SPAG9: variants seen among roughly 807,000 people sequenced by gnomAD.
SPAG9 encodes C-Jun-amino-terminal kinase-interacting protein 4.
In SPAG9, 35 loss-of-function variants were observed where a neutral mutation model predicts 166.5. The ratio of observed to expected loss-of-function variants is 0.21; its 90% confidence interval spans 0.16 to 0.28. The LOEUF (loss-of-function observed/expected upper bound fraction) is 0.28, where lower values mean the gene tolerates loss of function less well. Among genes scored for constraint, SPAG9 ranks in the 10% least tolerant of loss-of-function variants. The pLI is 1.00. For missense variants in SPAG9, 1,235 were observed against 1,603.3 expected (o/e 0.77, Z 3.92); for synonymous variants, 534 against 565.5 (o/e 0.94, Z 0.79).
chr17:51,115,352 C>A (rs1323104999), intron 1 of SPAG9, among the ~76,000 whole-genome samples: 2 of 151,546 alleles, frequency 1.3e-5, no homozygotes, highest in Non-Finnish European at 2.9e-5. Flanking sequence ...TCACACCCAA[C>A]TAATTTTTTT....
chr17:51,054,287 T>G (rs1397454331), intron 3 of SPAG9, among the ~76,000 whole-genome samples: 1 of 151,624 alleles, frequency 6.6e-6, no homozygotes, highest in African/African-American at 2.4e-5. Context: ...TGGCTATTTT[T>G]GTATATATTT....
chr17:50,975,807 C>T (rs1974166629), intron 27 of SPAG9: 2 of 1,350,656 alleles, frequency 1.5e-6, no homozygotes, highest in African/African-American at 2.9e-5. Flanking sequence ...TGGTAACAGC[C>T]TTACAGTGGC....
chr17:50,971,071 G>T (rs1412407895), intron 28 of SPAG9, among the ~76,000 whole-genome samples: 1 of 152,172 alleles, frequency 6.6e-6, no homozygotes, highest in Non-Finnish European at 1.5e-5. Context: ...TCACACCTTC[G>T]AGAGGCCGAA....
intron 6 of SPAG9, among the ~76,000 whole-genome samples, chr17:51,028,226 A>G (rs916952936): frequency 6.6e-6 from 1 of 152,196 alleles, no homozygotes. Context: ...AAAGTAAATA[A>G]GTTACAGTAA....
chr17:50,981,427 T>A (rs919353821), intron 25 of SPAG9, among the ~76,000 whole-genome samples: 9 of 151,566 alleles, frequency 5.9e-5, no homozygotes, highest in Non-Finnish European at 1.3e-4. Context: ...GATGGATGGA[T>A]GGATAGACAG....
At chr17:51,016,566 A>G (rs1042468746) in intron 8 of SPAG9, among the ~76,000 whole-genome samples, 5 of 152,272 alleles carry the variant, frequency 3.3e-5, no homozygotes, top group African/African-American at 7.2e-5. Flanking sequence ...AGGAAAAGAA[A>G]CAAAATAACC....
At chr17:51,016,208 C>G (rs1293398317) in intron 8 of SPAG9, 1 of 141,328 alleles carries the variant, frequency 7.1e-6, no homozygotes, top group Non-Finnish European at 1.5e-5. Flanking sequence ...TCATAGTGCT[C>G]AAAAAAAAAA....
In SPAG9 at chr17:50,966,366, T is replaced by G. The variant is rs758211942; in HGVS notation, c.3872A>C (p.Glu1291Ala). The change falls in exon 30 of 30, where the codon GAA (glutamate) becomes GCA (alanine). Residue 1291 changes from glutamate to alanine, a missense_variant. Coordinates refer to ENST00000262013, the MANE Select transcript of SPAG9 (RefSeq NM_001130528.3). Reference protein sequence around the residue: ...FRMGDEGGESELLGEDLPLEP... With the variant: ...FRMGDEGGESALLGEDLPLEP... Reference sequence around the variant, plus strand: ...AAGTGGAAGATCCTCTCCAAGAAGTTCTGATTCTCCACCTTCATCACCTAG... The same window carrying G: ...AAGTGGAAGATCCTCTCCAAGAAGTGCTGATTCTCCACCTTCATCACCTAG... The G allele has an allele frequency of 6.2e-7, 1 of 1,612,274 alleles. No individual in the cohort carries two copies. The highest frequency in any genetic ancestry group is 1.3e-5 in the African/African-American group (1 of 74,896).
intron 4 of SPAG9, chr17:51,046,887 C>A: frequency 6.6e-7 from 1 of 1,520,714 alleles, no homozygotes; most frequent in Non-Finnish European, 8.8e-7. Context: ...GCAGCAACCC[C>A]AAGCGACAGC....
rs746792520 is a variant in SPAG9 at position 51,120,536 on chromosome 17, G to A, written c.121C>T (p.Arg41Cys). ...IYREFERLIG[R>C]YDEEVVKELM... ...TCTTTGACCACCTCCTCGTCATAGC[G>A]CCCGATAAGCCGCTCGAACTCGCGG... Residue 41 changes from arginine (R) to cysteine (C), a missense_variant, in exon 1 of 30, where the codon CGC (arginine) becomes TGC (cysteine). Transcript: ENST00000262013. The surrounding 1 kb of genome is among the most constrained non-coding windows in gnomAD (Gnocchi z 4.7). 1 of 1,613,912 alleles carries A rather than the reference G, an allele frequency of 6.2e-7. No individual in the cohort carries two copies. Among genetic ancestry groups the A allele is most frequent in the Non-Finnish European group, 8.5e-7 (1 of 1,179,890 alleles).
At chr17:51,043,001 C>T (rs2046897513) in intron 4 of SPAG9, among the ~76,000 whole-genome samples, 1 of 152,170 alleles carries the variant, frequency 6.6e-6, no homozygotes, top group African/African-American at 2.4e-5. Context: ...AGCAATTCTC[C>T]TGCCTCAGCC....
chr17:50,970,485 C>G (rs1973697405), intron 29 of SPAG9, among the ~76,000 whole-genome samples: 1 of 149,208 alleles, frequency 6.7e-6, no homozygotes, highest in Non-Finnish European at 1.5e-5. Flanking sequence ...TGCACTCCAG[C>G]CTGGGTGACA....
intron 3 of SPAG9, among the ~76,000 whole-genome samples, chr17:51,050,722 T>TAA (rs78381217): frequency 2.1e-5 from 3 of 142,380 alleles, no homozygotes; most frequent in Non-Finnish European, 3.1e-5. Context: ...TCACTCAGGT[T>TAA]AAAAAAAAAA....
intron 5 of SPAG9, chr17:51,032,022 G>A (rs1031566584): frequency 3.6e-5 from 18 of 498,102 alleles, no homozygotes; most frequent in African/African-American, 3.3e-4. Flanking sequence ...TCTTCCTGAT[G>A]TTTATTCCAG....
chr17:51,109,082 G>A (rs1268115312), intron 1 of SPAG9, among the ~76,000 whole-genome samples: 6 of 151,512 alleles, frequency 4.0e-5, no homozygotes, highest in Non-Finnish European at 8.8e-5. Context: ...GGCTGGTCTC[G>A]AACTCCTGAC....
rs1313188396 is a variant in SPAG9, at chr17:51,120,528, G to T, written c.129C>A (p.Asp43Glu). The T allele has an allele frequency of 6.2e-7, 1 of 1,613,908 alleles. No homozygotes were observed. The highest frequency in any genetic ancestry group is 8.5e-7 in the Non-Finnish European group (1 of 1,179,894). The change falls in exon 1 of 30, where the codon GAC becomes GAA. Residue 43 changes from aspartate to glutamate, a missense_variant. By Grantham distance (45) the Asp-to-Glu change is conservative. This residue lies in a region of SPAG9 where 83 missense variants were observed against 149.8 expected (regional missense o/e 0.55). Transcript: ENST00000262013. This position sits in a 1 kb window ranked among gnomAD's most constrained non-coding sequence, Gnocchi z 4.7. Reference sequence around the variant, plus strand: ...GCATCAGCTCTTTGACCACCTCCTCGTCATAGCGCCCGATAAGCCGCTCGA... The same window carrying T: ...GCATCAGCTCTTTGACCACCTCCTCTTCATAGCGCCCGATAAGCCGCTCGA... ...REFERLIGRY[D>E]EEVVKELMPL...
In SPAG9 at chr17:51,020,118, TG is replaced by T. The variant is rs201693076; in HGVS notation, c.1091+40del. 8 of 1,168,224 alleles carry T rather than the reference TG, an allele frequency of 6.8e-6. No homozygotes were observed. In the African/African-American group the frequency reaches 9.1e-5, roughly 13 times the overall value. 72.4% of individuals were successfully genotyped at this position (1,168,224 alleles called of 1,614,324 possible). Reference sequence around the variant, plus strand: ...GAACAGTGTTTATGGGAGTTGGGGGTGGGGGGCGCAGAATATGTCTTCATCT... The same window carrying T: ...GAACAGTGTTTATGGGAGTTGGGGGTGGGGGCGCAGAATATGTCTTCATCT... On this transcript the variant is annotated intron_variant, in intron 8 of 29. Coordinates refer to ENST00000262013, the MANE Select transcript of SPAG9 (RefSeq NM_001130528.3).
At chr17:51,046,552 A>C (rs1251625527) in intron 4 of SPAG9, 10 of 1,536,112 alleles carry the variant, frequency 6.5e-6, no homozygotes, top group Non-Finnish European at 7.8e-6. Context: ...GTAGAAATAG[A>C]AAAGTGCACA....
At chr17:51,054,803 T>C (rs1263097457) in intron 3 of SPAG9, among the ~76,000 whole-genome samples, 4 of 152,126 alleles carry the variant, frequency 2.6e-5, no homozygotes, top group East Asian at 1.9e-4. Flanking sequence ...CTGAGCTCTA[T>C]GGTTCAAGCC....
Sources: gnomAD v4.1 joint callset for allele counts (sites outside exome capture counted in the v4.1 genomes callset) on GRCh38, gnomAD v4.1.1 for gene constraint, gnomAD v4.1.1 regional missense constraint, Gnocchi (gnomAD v3.1) non-coding constraint, MANE v1.5 for transcripts, NCBI Gene and HGNC (gene_info 2026-07-23, HGNC 2026-07-21) for gene names.